GPHN: variants seen among roughly 807,000 people sequenced by gnomAD.
GPHN encodes the protein gephyrin.
GPHN carries 17 observed loss-of-function variants against 95.5 expected under a neutral mutation model. The observed-to-expected ratio is 0.18, with a 90% CI of 0.12 to 0.27. GPHN has a LOEUF of 0.27. Among genes scored for constraint, GPHN ranks in the 10% least tolerant of loss-of-function variants. The pLI is 1.00. For missense variants in GPHN, 660 were observed against 978.1 expected (o/e 0.67, Z 4.34); for synonymous variants, 320 against 322.5 (o/e 0.99, Z 0.08).
intron 22 of GPHN, 110 bp from the exon 23 acceptor site, chr14:67,180,691 TCTC>T: frequency 2.0e-6 from 2 of 981,074 alleles, no homozygotes; most frequent in South Asian, 1.4e-5. Flanking sequence ...GATCATCCCT[TCTC>T]CTCTTGAAGA....
intron 4 of GPHN, among the ~76,000 whole-genome samples, chr14:66,836,803 C>G (rs1490076345): frequency 6.6e-6 from 1 of 151,998 alleles, no homozygotes; most frequent in African/African-American, 2.4e-5. Flanking sequence ...AGACACTTCT[C>G]AAAAGAAGAC....
chr14:67,438,023 A>T, the GPHN span, among the ~76,000 whole-genome samples: 1 of 152,230 alleles, frequency 6.6e-6, no homozygotes, highest in Admixed American at 6.5e-5. Flanking sequence ...CCAGTTTGGT[A>T]TTTGGGGCGG....
At chr14:67,239,648 G>A in the GPHN span, among the ~76,000 whole-genome samples, 1 of 152,214 alleles carries the variant, frequency 6.6e-6, no homozygotes, top group African/African-American at 2.4e-5. Flanking sequence ...CTGAGGTCAG[G>A]TGTTCAAGAC....
At chr14:67,464,447 C>T in the GPHN span, among the ~76,000 whole-genome samples, 23 of 152,262 alleles carry the variant, frequency 1.5e-4, no homozygotes, top group East Asian at 4.4e-3. Flanking sequence ...CCCCACCCTC[C>T]AGAGCCCTAC....
At chr14:66,605,277 T>C (rs1002853386) in intron 1 of GPHN, among the ~76,000 whole-genome samples, 7 of 152,156 alleles carry the variant, frequency 4.6e-5, no homozygotes, top group Non-Finnish European at 7.4e-5. Context: ...ATCTCTCAAC[T>C]GCTTTCCACA....
chr14:67,092,072 TA>T (rs370479958), intron 12 of GPHN, among the ~76,000 whole-genome samples: 339 of 152,170 alleles, frequency 2.2e-3, no homozygotes, highest in African/African-American at 7.7e-3. Flanking sequence ...ACATCATAAT[TA>T]AAGAAGCAAA....
the GPHN span, among the ~76,000 whole-genome samples, chr14:67,328,479 T>A: frequency 6.6e-6 from 1 of 152,248 alleles, no homozygotes; most frequent in African/African-American, 2.4e-5. Context: ...AGAAGCTCTT[T>A]AATTAGATCC....
chr14:67,212,624 A>C, the GPHN span, among the ~76,000 whole-genome samples: 4 of 145,628 alleles, frequency 2.7e-5, no homozygotes, highest in African/African-American at 5.0e-5. Flanking sequence ...TGTAATATAT[A>C]TTATATATAA....
chr14:67,144,716 A>G (rs1438688792), intron 18 of GPHN, among the ~76,000 whole-genome samples: 2 of 152,208 alleles, frequency 1.3e-5, no homozygotes, highest in Non-Finnish European at 1.5e-5. Context: ...GCCTAAATTT[A>G]TAACCTGACT....
the GPHN span, chr14:67,292,711 G>C: frequency 1.2e-6 from 2 of 1,613,030 alleles, no homozygotes; most frequent in Non-Finnish European, 1.7e-6. Context: ...ACAAGATCTT[G>C]CTCAAGAGGT....
At chr14:66,904,562 A>G (rs2065279789) in intron 5 of GPHN, among the ~76,000 whole-genome samples, 1 of 152,122 alleles carries the variant, frequency 6.6e-6, no homozygotes, top group South Asian at 2.1e-4. Context: ...TGTAAGACAT[A>G]AAAGTTCTCC....
chr14:66,594,359 A>G (rs972683404), intron 1 of GPHN, among the ~76,000 whole-genome samples: 2 of 152,170 alleles, frequency 1.3e-5, no homozygotes, highest in Non-Finnish European at 2.9e-5. Context: ...AAATAGCTAG[A>G]GCAATGTTGA....
chr14:67,194,997 G>A, the GPHN span, among the ~76,000 whole-genome samples: 2 of 152,166 alleles, frequency 1.3e-5, no homozygotes, highest in Admixed American at 6.5e-5. Context: ...GAGCCACCAC[G>A]CCCAAGCCTG....
intron 1 of GPHN, among the ~76,000 whole-genome samples, chr14:66,576,917 T>A (rs1468472534): frequency 2.0e-5 from 3 of 152,224 alleles, no homozygotes; most frequent in Non-Finnish European, 4.4e-5. Context: ...TGTTCCCCTA[T>A]TCTGATATTT....
the GPHN span, among the ~76,000 whole-genome samples, chr14:67,294,204 G>A: frequency 1.3e-5 from 2 of 152,038 alleles, no homozygotes; most frequent in Non-Finnish European, 2.9e-5. Flanking sequence ...TTGCTTTCAC[G>A]TCCTTAGAGT....
the GPHN span, among the ~76,000 whole-genome samples, chr14:67,564,004 C>A: frequency 6.6e-6 from 1 of 151,544 alleles, no homozygotes; most frequent in Non-Finnish European, 1.5e-5. Flanking sequence ...CAGTTTCACG[C>A]CATTTTCCTG....
intron 9 of GPHN, among the ~76,000 whole-genome samples, chr14:67,010,705 C>G (rs575270223): frequency 1.5e-4 from 23 of 152,000 alleles, no homozygotes; most frequent in African/African-American, 5.3e-4. Context: ...TTGGAAAGCT[C>G]TAATGGATGA....
the GPHN span, chr14:67,208,358 G>A: frequency 2.5e-6 from 4 of 1,614,036 alleles, no homozygotes; most frequent in East Asian, 2.2e-5. Flanking sequence ...AGTAGAAAGT[G>A]AGGCAAATAC....
intron 10 of GPHN, among the ~76,000 whole-genome samples, chr14:67,024,739 G>C (rs2073837008): frequency 6.6e-6 from 1 of 152,118 alleles, no homozygotes; most frequent in African/African-American, 2.4e-5. Context: ...TTGCCAACCA[G>C]GGAAGCTCAC....
Sources: allele counts gnomAD v4.1 joint callset (sites outside exome capture counted in the v4.1 genomes callset), GRCh38; gene constraint gnomAD v4.1.1; transcripts MANE v1.5; gene names NCBI Gene and HGNC (gene_info 2026-07-23, HGNC 2026-07-21).